RPL18A: variants seen among roughly 807,000 people sequenced by gnomAD.
RPL18A encodes the protein ribosomal protein L18a, also known as large ribosomal subunit protein eL20.
For missense variants in RPL18A, 163 were observed against 254.1 expected, an observed-to-expected ratio of 0.64 and a Z score of 2.44; for synonymous variants, 122 against 96.9, an observed-to-expected ratio of 1.26 and a Z score of -1.52.
intron 1 of RPL18A, 65 bp downstream of exon 1, chr19:17,860,039 T>C: frequency 7.1e-7 from 1 of 1,404,736 alleles, no homozygotes; most frequent in Non-Finnish European, 9.4e-7. Flanking sequence ...GGGGCCTGCA[T>C]AAGTGGCGTG....
At chr19:17,861,956 A>G (rs1209219818) in intron 2 of RPL18A, 138 bp from the exon 3 acceptor site, 1 of 1,017,082 alleles carries the variant, frequency 9.8e-7, no homozygotes. Flanking sequence ...TGGGGCTGGG[A>G]AACTGAGGCA....
chr19:17,862,553 C>G (rs2094279353), intron 3 of RPL18A: 1 of 700,894 alleles, frequency 1.4e-6, no homozygotes, highest in Admixed American at 1.8e-5. Flanking sequence ...CCCTGGCTCA[C>G]CTGCCAGGGT....
chr19:17,863,274 C>T lies in RPL18A; in HGVS notation c.*11C>T, dbSNP rs1667138661. ...AACACCTTCTTCTAGGTGCAGGGCCCTCGTCCGGGTGTGCCCCAAATAAAC... is the reference window on the plus strand; with the variant it reads ...AACACCTTCTTCTAGGTGCAGGGCCTTCGTCCGGGTGTGCCCCAAATAAAC... On this transcript the variant is annotated 3_prime_UTR_variant, in exon 5 of 5. Coordinates refer to ENST00000222247, the MANE Select transcript of RPL18A (RefSeq NM_000980.4). 3 of 1,522,162 alleles carry T rather than the reference C, an allele frequency of 2.0e-6. No homozygotes were observed. Among genetic ancestry groups the T allele is most frequent in the Non-Finnish European group, 2.7e-6 (3 of 1,101,708 alleles). The allele number at this position is 1,522,162 out of a possible 1,614,324, so 94.3% of individuals were successfully genotyped here.
intron 3 of RPL18A, chr19:17,862,497 A>G: frequency 2.9e-6 from 2 of 687,266 alleles, no homozygotes; most frequent in East Asian, 5.3e-5. Context: ...GGACCCACTG[A>G]GAACCGAATT....
intron 1 of RPL18A, 89 bp from the exon 2 acceptor site, chr19:17,861,204 G>C (rs979271936): frequency 8.0e-7 from 1 of 1,257,334 alleles, no homozygotes; most frequent in African/African-American, 1.5e-5. Flanking sequence ...TCCCGAATCT[G>C]TGGTCACTAG....
At chr19:17,861,077 C>T (rs1474404839) in intron 1 of RPL18A, 5 of 565,946 alleles carry the variant, frequency 8.8e-6, no homozygotes, top group South Asian at 2.2e-5. Context: ...CTCAATTAAT[C>T]CTCCCTGGAG....
intron 3 of RPL18A, 24 bp downstream of exon 3, chr19:17,862,247 G>A: frequency 6.2e-7 from 1 of 1,611,234 alleles, no homozygotes; most frequent in African/African-American, 1.3e-5. Flanking sequence ...CCCGCCTCCA[G>A]CTTTTTAGAC....
At chr19:17,862,265 G>C (rs1465152639) in intron 3 of RPL18A, 42 bp downstream of exon 3, 8 of 1,606,438 alleles carry the variant, frequency 5.0e-6, no homozygotes, top group Non-Finnish European at 6.8e-6. Flanking sequence ...GACCCTCCTT[G>C]ACTCCCTCAC....
intron 3 of RPL18A, chr19:17,862,603 A>G (rs1185556968): frequency 1.4e-6 from 1 of 706,100 alleles, no homozygotes; most frequent in South Asian, 1.4e-5. Flanking sequence ...ACCTAAACCC[A>G]AGAATCACTG....
At chr19:17,861,262 T>A in intron 1 of RPL18A, 31 bp from the exon 2 acceptor site, 12 of 1,608,132 alleles carry the variant, frequency 7.5e-6, no homozygotes, top group Non-Finnish European at 1.0e-5. Flanking sequence ...CTCTGGGTGC[T>A]GGCCTTACCC....
chr19:17,861,448 A>C lies in RPL18A; in HGVS notation c.174A>C (p.Ser58=). The change falls in exon 2 of 5, where the codon TCA becomes TCC. Residue 58 remains serine, a synonymous_variant. Coordinates refer to ENST00000222247, the MANE Select transcript of RPL18A (RefSeq NM_000980.4). ...AGTTAAAGAAGATGAAGAAGTCTTCAGGGGAGATTGTCTACTGTGGGCAGG... is the reference window on the plus strand; with the variant it reads ...AGTTAAAGAAGATGAAGAAGTCTTCCGGGGAGATTGTCTACTGTGGGCAGG... ...VSQLKKMKKS[S]GEIVYCGQVF... is the part of the protein sequence containing the mutation. The C allele has an allele frequency of 6.3e-7, 1 of 1,597,900 alleles. No homozygotes were observed. The highest frequency in any genetic ancestry group is 8.5e-7 in the Non-Finnish European group (1 of 1,169,800).
chr19:17,860,277 CAA>C, intron 1 of RPL18A: 1 of 419,374 alleles, frequency 2.4e-6, no homozygotes, highest in Admixed American at 4.6e-5. Context: ...GTCGAGCCGC[CAA>C]GTTTCTGTTT....
Position 17,863,072 on chromosome 19 carries a change from A to AG in RPL18A, c.438+45_438+46insG, listed in dbSNP as rs1408891627. On this transcript the variant is annotated intron_variant, in intron 4 of 4. Coordinates refer to ENST00000222247, the MANE Select transcript of RPL18A (RefSeq NM_000980.4). The stretch of plus-strand genomic sequence containing the variant: ...CCCCTGGAGGGAAGTGCCTGCTCTG[A>AG]CGCAGGAGCCCAGTGGGGGGCGGCT... 5 of 1,560,972 alleles carry AG rather than the reference A, an allele frequency of 3.2e-6. No homozygotes were observed. In the Admixed American group the frequency reaches 6.8e-5, roughly 21 times the overall value.
chr19:17,861,889 G>A lies in RPL18A; in HGVS notation c.199-205G>A. 6.6e-6 allele frequency: 4 copies of A among 608,952 alleles called. No homozygotes were observed. The South Asian group carries it at 8.3e-5, about 13-fold the overall frequency. The allele number at this position is 608,952 out of a possible 1,614,324, so 37.7% of individuals were successfully genotyped here. A position where few individuals can be genotyped will look rare whatever the true frequency, so the allele number is the denominator to read the frequency against. Reference sequence around the variant, plus strand: ...TCCGTGGCAGAAGCCTGGACTTCAGGCTGTTGCCATGGGAAGTTCCCTTAC... The same window carrying A: ...TCCGTGGCAGAAGCCTGGACTTCAGACTGTTGCCATGGGAAGTTCCCTTAC... On this transcript the variant is annotated intron_variant, in intron 2 of 4. Transcript: ENST00000222247.
rs990699996 is a variant in RPL18A at position 17,859,936 on chromosome 19, G to A, written c.-21G>A. ...GAGGACACTTCCTTTTGCGGGTGGC[G>A]GCGAACGCGGAGAGCACGCCATGAA... On this transcript the variant is annotated 5_prime_UTR_variant, in exon 1 of 5. Coordinates refer to ENST00000222247, the MANE Select transcript of RPL18A (RefSeq NM_000980.4). 11 of 1,543,396 alleles carry A rather than the reference G, an allele frequency of 7.1e-6. No individual in the cohort carries two copies. The African/African-American group carries it at 1.1e-4, about 16-fold the overall frequency.
rs1474842324 is a variant in RPL18A at position 17,863,152 on chromosome 19, A to G, written c.439-19A>G. On this transcript the variant is annotated intron_variant, in intron 4 of 4. Transcript: ENST00000222247. ...TTAAGAGGCTTCCAACCCCCTCAACATGCCTCCCTTCCTCACAGGACTCCA... is the reference window on the plus strand; with the variant it reads ...TTAAGAGGCTTCCAACCCCCTCAACGTGCCTCCCTTCCTCACAGGACTCCA... 7 of 1,606,474 alleles carry G rather than the reference A, an allele frequency of 4.4e-6. No individual in the cohort carries two copies. The highest frequency in any genetic ancestry group is 1.1e-5 in the South Asian group (1 of 90,862).
At chr19:17,862,331 G>C (rs888255603) in intron 3 of RPL18A, 108 bp downstream of exon 3, 1 of 1,367,088 alleles carries the variant, frequency 7.3e-7, no homozygotes, top group East Asian at 2.3e-5. Context: ...CAGGACTGGT[G>C]GCGGGGCACA....
At chr19:17,863,113 C>A (rs2094280661) in intron 4 of RPL18A, 58 bp from the exon 5 acceptor site, 7 of 1,557,164 alleles carry the variant, frequency 4.5e-6, no homozygotes, top group Admixed American at 1.7e-5. Context: ...TTGGTGGCCC[C>A]ACAGGATGGG....
In RPL18A at chr19:17,862,991, C is replaced by A; in HGVS notation, c.402C>A (p.Ala134=). The change falls in exon 4 of 5, where the codon GCC becomes GCA. Residue 134 remains alanine (A), a synonymous_variant. Coordinates refer to ENST00000222247, the MANE Select transcript of RPL18A (RefSeq NM_000980.4). Reference sequence around the variant, plus strand: ...TCATGAAGGTGGAGGAGATCGCGGCCAGCAAGTGCCGCCGGCCGGCTGTCA... The same window carrying A: ...TCATGAAGGTGGAGGAGATCGCGGCAAGCAAGTGCCGCCGGCCGGCTGTCA... ...IQIMKVEEIA[A]SKCRRPAVKQ... 4 of 1,612,320 alleles carry A rather than the reference C, an allele frequency of 2.5e-6. No homozygotes were observed. Among genetic ancestry groups the A allele is most frequent in the Non-Finnish European group, 3.4e-6 (4 of 1,179,436 alleles).
Sources: allele counts gnomAD v4.1 joint callset, GRCh38; gene constraint gnomAD v4.1.1; transcripts MANE v1.5; gene names NCBI Gene and HGNC (gene_info 2026-07-23, HGNC 2026-07-21).